The following APBA2 variants were observed in gnomAD, a reference collection of about 807,000 sequenced individuals.
The protein encoded by APBA2 is amyloid-beta A4 precursor protein-binding family A member 2.
In APBA2, 30 loss-of-function variants were observed where a neutral mutation model predicts 75.0. The observed-to-expected ratio is 0.40, with a 90% CI of 0.30 to 0.54. The LOEUF (loss-of-function observed/expected upper bound fraction) is 0.54. APBA2 is among the 20% of genes least tolerant of loss of function. The pLI, the probability that APBA2 is intolerant of heterozygous loss-of-function variation, is 0.49. For missense variants in APBA2, 801 were observed against 1,016.1 expected, an observed-to-expected ratio of 0.79 and a Z score of 2.88; for synonymous variants, 444 against 409.6, an observed-to-expected ratio of 1.08 and a Z score of -1.01.
chr15:29,024,513 C>T (rs1261827991), intron 3 of APBA2, among the ~76,000 whole-genome samples: 1 of 152,148 alleles, frequency 6.6e-6, no homozygotes, highest in Non-Finnish European at 1.5e-5. Context: ...TCCATTACAC[C>T]TCTCTATTGC....
At chr15:29,003,585 G>T (rs1312725114) in intron 3 of APBA2, among the ~76,000 whole-genome samples, 1 of 152,224 alleles carries the variant, frequency 6.6e-6, no homozygotes, top group Admixed American at 6.5e-5. Flanking sequence ...ATAGGAGAAA[G>T]GCTTGGTCTA....
intron 1 of APBA2, among the ~76,000 whole-genome samples, chr15:28,917,963 T>G (rs1419321720): frequency 3.3e-5 from 5 of 152,290 alleles, no homozygotes; most frequent in Middle Eastern, 3.4e-3. Flanking sequence ...CAGCCTCCCT[T>G]GCTCCTTTCA....
intron 2 of APBA2, chr15:28,961,279 A>T (rs2036455963): frequency 6.6e-6 from 1 of 152,258 alleles, no homozygotes; most frequent in African/African-American, 2.4e-5. Context: ...CGTTTCTAGA[A>T]AGGGCCTAAT....
chr15:29,059,308 C>T (rs2152898788), intron 4 of APBA2, among the ~76,000 whole-genome samples: 1 of 152,254 alleles, frequency 6.6e-6, no homozygotes, highest in South Asian at 2.1e-4. Context: ...TGCCATGTGC[C>T]TTACATGTGC....
intron 2 of APBA2, among the ~76,000 whole-genome samples, chr15:28,942,611 A>G (rs72625148): frequency 0.17 from 26,311 of 152,090 alleles, 3,208 homozygotes; most frequent in African/African-American, 0.35. Flanking sequence ...CCTGATGCAG[A>G]CTGCCAGGGT....
chr15:28,889,952 A>G (rs150178597), intron 1 of APBA2, among the ~76,000 whole-genome samples: 142 of 152,326 alleles, frequency 9.3e-4, no homozygotes, highest in African/African-American at 3.2e-3. Context: ...TCAATTGTAA[A>G]AGACTTTGTT....
chr15:28,949,876 C>T (rs147786445), intron 2 of APBA2, among the ~76,000 whole-genome samples: 101 of 152,318 alleles, frequency 6.6e-4, no homozygotes, highest in Non-Finnish European at 1.1e-3. Flanking sequence ...TCTTCTCTCT[C>T]GTTAACATCT....
chr15:28,925,214 C>A (rs1032831397), intron 2 of APBA2, among the ~76,000 whole-genome samples: 1 of 152,016 alleles, frequency 6.6e-6, no homozygotes, highest in Non-Finnish European at 1.5e-5. Flanking sequence ...AACATTGCAG[C>A]CTTGGAAAAA....
intron 3 of APBA2, among the ~76,000 whole-genome samples, chr15:29,019,205 CGT>C (rs1347195959): frequency 1.3e-5 from 2 of 152,208 alleles, no homozygotes; most frequent in African/African-American, 2.4e-5. Context: ...CCTGCCTATG[CGT>C]GTCTCTCCCT....
chr15:28,903,316 G>C (rs144634811), intron 1 of APBA2, among the ~76,000 whole-genome samples: 12,206 of 152,268 alleles, frequency 0.08, 1,668 homozygotes, highest in African/African-American at 0.28. Flanking sequence ...GCTGTTGTAA[G>C]TGCGGTTGAC....
At chr15:28,976,431 ATG>A (rs2037342185) in intron 2 of APBA2, among the ~76,000 whole-genome samples, 1 of 152,192 alleles carries the variant, frequency 6.6e-6, no homozygotes, top group African/African-American at 2.4e-5. Context: ...GCCATCTCTA[ATG>A]GTCCACCATG....
rs777829251 is a variant in APBA2 at position 29,054,198 on chromosome 15, C to T, written c.314C>T (p.Pro105Leu). 49 of 1,614,084 alleles carry T rather than the reference C, an allele frequency of 3.0e-5. No individual in the cohort carries two copies. Among genetic ancestry groups the T allele is most frequent in the Non-Finnish European group, 4.0e-5 (47 of 1,180,036 alleles). ...ATCACCTACTACATCCGCTACTGCCCTGAGGACGACAGCTACCTAGAGGGC... is the reference window on the plus strand; with the variant it reads ...ATCACCTACTACATCCGCTACTGCCTTGAGGACGACAGCTACCTAGAGGGC... The part of the protein sequence containing the change: ...EGITYYIRYC[P>L]EDDSYLEGMD... The change falls in exon 4 of 15, where the codon CCT (proline) becomes CTT (leucine). Residue 105 changes from proline (P) to leucine (L), a missense_variant. Physicochemically the swap from Pro to Leu is moderately conservative, Grantham distance 98 (BLOSUM62 -3). This residue lies in a region of APBA2 where 434 missense variants were observed against 471.6 expected (regional missense o/e 0.92). Transcript: ENST00000683413. This position sits in a 1 kb window ranked among gnomAD's most constrained non-coding sequence, Gnocchi z 6.1.
At chr15:29,044,709 A>G (rs58763910) in intron 3 of APBA2, among the ~76,000 whole-genome samples, 27,716 of 152,126 alleles carry the variant, frequency 0.18, 3,028 homozygotes, top group East Asian at 0.45. Flanking sequence ...GAAAAGGCCT[A>G]TAGTATATTC....
At chr15:28,971,883 A>G (rs569761932) in intron 2 of APBA2, among the ~76,000 whole-genome samples, 22 of 152,326 alleles carry the variant, frequency 1.4e-4, no homozygotes, top group Admixed American at 1.3e-3. Flanking sequence ...TAGCGTCCAT[A>G]CAATATTACT....
intron 2 of APBA2, among the ~76,000 whole-genome samples, chr15:28,982,095 A>G (rs1011375731): frequency 2.0e-5 from 3 of 152,232 alleles, no homozygotes; most frequent in Non-Finnish European, 2.9e-5. Context: ...CCCAAAGCTT[A>G]GCATCACACA....
chr15:28,941,794 TC>T (rs559765845), intron 2 of APBA2, among the ~76,000 whole-genome samples: 179 of 152,254 alleles, frequency 1.2e-3, no homozygotes, highest in Non-Finnish European at 2.3e-3. Flanking sequence ...TCTCGCTCTT[TC>T]GCCCAGGCTG....
intron 3 of APBA2, among the ~76,000 whole-genome samples, chr15:29,024,313 T>C (rs1030917585): frequency 6.6e-6 from 1 of 152,238 alleles, no homozygotes; most frequent in Non-Finnish European, 1.5e-5. Context: ...ACCATTATCA[T>C]AGTAACAGCA....
At chr15:29,084,243 C>T (rs2043196775) in intron 6 of APBA2, among the ~76,000 whole-genome samples, 1 of 152,176 alleles carries the variant, frequency 6.6e-6, no homozygotes. Context: ...ATGATTTTTG[C>T]TGCTTCCTTT....
At chr15:28,992,440 A>G (rs997635902) in intron 2 of APBA2, among the ~76,000 whole-genome samples, 1 of 152,234 alleles carries the variant, frequency 6.6e-6, no homozygotes, top group African/African-American at 2.4e-5. Flanking sequence ...ACTGCCAGAA[A>G]TTTGCACGTA....
Sources: allele counts gnomAD v4.1 joint callset (sites outside exome capture counted in the v4.1 genomes callset), GRCh38; gene constraint gnomAD v4.1.1; regional missense constraint gnomAD v4.1.1; non-coding constraint Gnocchi (gnomAD v3.1); transcripts MANE v1.5; gene names NCBI Gene and HGNC (gene_info 2026-07-23, HGNC 2026-07-21).